PROS1: variants seen among roughly 807,000 people sequenced by gnomAD.
The protein encoded by PROS1 is protein S, also known as vitamin K-dependent protein S.
In PROS1, 29 loss-of-function variants were observed where a neutral mutation model predicts 75.9. The ratio of observed to expected loss-of-function variants is 0.38; its 90% CI spans 0.28 to 0.52. PROS1 has a LOEUF of 0.52. Among genes scored for constraint, PROS1 ranks in the 20% least tolerant of loss-of-function variants. PROS1 has a pLI of 0.83. For missense variants in PROS1, 680 were observed against 810.3 expected (o/e 0.84, Z 1.95); for synonymous variants, 245 against 280.6 (o/e 0.87, Z 1.27).
At chr3:93,951,202 C>A (rs1437371345) in intron 1 of PROS1, among the ~76,000 whole-genome samples, 1 of 152,132 alleles carries the variant, frequency 6.6e-6, no homozygotes, top group Non-Finnish European at 1.5e-5. Context: ...ATTCCCCAAC[C>A]TAGCAAGGCA....
chr3:93,943,239 A>G (rs1034616085), intron 1 of PROS1, among the ~76,000 whole-genome samples: 3 of 152,126 alleles, frequency 2.0e-5, no homozygotes, highest in African/African-American at 7.2e-5. Context: ...CTCAGCCTCC[A>G]ACTTAAAAAG....
intron 1 of PROS1, among the ~76,000 whole-genome samples, chr3:93,960,208 G>A (rs1030494166): frequency 1.4e-5 from 2 of 143,736 alleles, no homozygotes; most frequent in Non-Finnish European, 3.0e-5. Flanking sequence ...ATGGAGTCTC[G>A]CTCTGTCGCC....
chr3:93,878,485 C>T (rs1426947907), intron 13 of PROS1, among the ~76,000 whole-genome samples: 1 of 152,206 alleles, frequency 6.6e-6, no homozygotes, highest in Non-Finnish European at 1.5e-5. Context: ...GCATAAACAT[C>T]AGCTTCTTGC....
intron 1 of PROS1, among the ~76,000 whole-genome samples, chr3:93,966,252 A>G (rs1709787624): frequency 6.6e-6 from 1 of 152,164 alleles, no homozygotes; most frequent in Admixed American, 6.5e-5. Context: ...ATTGCCTGAG[A>G]TGGTTGCAAA....
chr3:93,893,251 A>C, intron 9 of PROS1, 129 bp from the exon 10 acceptor site: 1 of 899,628 alleles, frequency 1.1e-6, no homozygotes, highest in Non-Finnish European at 1.7e-6. Flanking sequence ...TTTTTCTGGA[A>C]TTAATAAAAG....
chr3:93,886,910 C>CTTTTT (rs1297839394), intron 10 of PROS1, among the ~76,000 whole-genome samples: 33 of 130,572 alleles, frequency 2.5e-4, no homozygotes, highest in African/African-American at 9.3e-4. Context: ...TAAATAAGTT[C>CTTTTT]TTTTTTTTTT....
chr3:93,897,964 T>C (rs544190569), intron 8 of PROS1, among the ~76,000 whole-genome samples: 4 of 152,176 alleles, frequency 2.6e-5, no homozygotes, highest in Non-Finnish European at 4.4e-5. Context: ...CTAGAAATGG[T>C]TAAAAGGGTA....
chr3:93,940,382 C>T (rs934185444), intron 1 of PROS1, among the ~76,000 whole-genome samples: 1 of 152,124 alleles, frequency 6.6e-6, no homozygotes, highest in Admixed American at 6.6e-5. Flanking sequence ...CCTTCTTAAT[C>T]AATATGGAGG....
chr3:93,893,051 T>C lies in PROS1; in HGVS notation c.1037A>G (p.His346Arg). Residue 346 changes from histidine (H) to arginine (R), a missense_variant, in exon 10 of 15, where the codon CAC becomes CGC. Physicochemically the swap from His to Arg is conservative, Grantham distance 29 (BLOSUM62 0). Coordinates refer to ENST00000394236, the MANE Select transcript of PROS1 (RefSeq NM_000313.4). ...AAGTGCAATCAGGAGCCACGCTGAG[T>C]GATCGATAGATTCTGCGTACAGTAT... Reference protein sequence around the residue: ...GVILYAESIDHSAWLLIALRG... With the variant: ...GVILYAESIDRSAWLLIALRG... The C allele has an allele frequency of 1.9e-6, 3 of 1,614,024 alleles. No homozygotes were observed. The highest frequency in any genetic ancestry group is 2.5e-6 in the Non-Finnish European group (3 of 1,179,966).
intron 1 of PROS1, among the ~76,000 whole-genome samples, chr3:93,955,818 G>A (rs1709589455): frequency 6.6e-6 from 1 of 151,936 alleles, no homozygotes; most frequent in Non-Finnish European, 1.5e-5. Context: ...GAGGACGAAA[G>A]ATAATCATCT....
chr3:93,918,580 C>T (rs1184941331), intron 3 of PROS1, among the ~76,000 whole-genome samples: 1 of 152,076 alleles, frequency 6.6e-6, no homozygotes, highest in Non-Finnish European at 1.5e-5. Flanking sequence ...CCTGATACGC[C>T]GCCTTTAAGA....
At chr3:93,947,979 C>T (rs1010986561) in intron 1 of PROS1, among the ~76,000 whole-genome samples, 7 of 152,098 alleles carry the variant, frequency 4.6e-5, no homozygotes, top group Admixed American at 2.0e-4. Context: ...TACATGTGCC[C>T]AGTTATAGGA....
chr3:93,970,502 AT>A (rs199518160), intron 1 of PROS1, among the ~76,000 whole-genome samples: 141 of 148,114 alleles, frequency 9.5e-4, no homozygotes, highest in Non-Finnish European at 1.4e-3. Flanking sequence ...CATCCGGCTA[AT>A]TTTTTTTTTT....
intron 1 of PROS1, among the ~76,000 whole-genome samples, chr3:93,931,992 C>T (rs1709112838): frequency 6.6e-6 from 1 of 152,212 alleles, no homozygotes; most frequent in South Asian, 2.1e-4. Flanking sequence ...CAGTCTACTG[C>T]TTCTTGCCAG....
intron 12 of PROS1, among the ~76,000 whole-genome samples, chr3:93,882,331 A>G (rs1708284819): frequency 1.3e-5 from 2 of 152,244 alleles, no homozygotes; most frequent in Non-Finnish European, 2.9e-5. Context: ...GGATGTTCAC[A>G]GAAGTATTAC....
intron 1 of PROS1, 161 bp downstream of exon 1, chr3:93,973,513 C>CT (rs1332110112): frequency 4.2e-6 from 3 of 721,884 alleles, no homozygotes; most frequent in Non-Finnish European, 7.4e-6. Flanking sequence ...ATTGCACTGC[C>CT]TGCTCTATCC....
At chr3:93,926,761 C>G (rs1213538242) in intron 2 of PROS1, among the ~76,000 whole-genome samples, 1 of 152,236 alleles carries the variant, frequency 6.6e-6, no homozygotes, top group East Asian at 1.9e-4. Context: ...GACATCCTTT[C>G]CCCTCCCTCT....
At chr3:93,900,692 G>A in intron 7 of PROS1, 112 bp downstream of exon 7, 5 of 1,427,008 alleles carry the variant, frequency 3.5e-6, no homozygotes, top group Non-Finnish European at 4.9e-6. Flanking sequence ...AGCTATATTA[G>A]GGATAAGAAA....
intron 1 of PROS1, among the ~76,000 whole-genome samples, chr3:93,933,073 A>C (rs1361429260): frequency 1.3e-5 from 2 of 152,160 alleles, no homozygotes; most frequent in Non-Finnish European, 2.9e-5. Flanking sequence ...ATAAATGAAA[A>C]ATTGCCCTTG....
Sources: allele counts gnomAD v4.1 joint callset (sites outside exome capture counted in the v4.1 genomes callset), GRCh38; gene constraint gnomAD v4.1.1; transcripts MANE v1.5; gene names NCBI Gene and HGNC (gene_info 2026-07-23, HGNC 2026-07-21).